The following SGCD variants were observed in gnomAD, a reference collection of about 807,000 sequenced individuals.
The protein encoded by SGCD is sarcoglycan delta.
A neutral mutation model predicts 36.6 loss-of-function variants in SGCD; 18 were observed. That is an observed-to-expected ratio of 0.49 (90% confidence interval 0.34 to 0.73). The LOEUF (loss-of-function observed/expected upper bound fraction) is 0.73. Ranked by LOEUF, SGCD falls within the 30% of genes least tolerant of loss-of-function variation. The pLI is 0.01. For missense variants in SGCD, 387 were observed against 346.7 expected, an observed-to-expected ratio of 1.12 and a Z score of -0.92; for synonymous variants, 133 against 130.6, an observed-to-expected ratio of 1.02 and a Z score of -0.12.
chr5:156,498,935 C>CGTGTGTGTGT (rs71577198), intron 3 of SGCD, among the ~76,000 whole-genome samples: 1 of 149,350 alleles, frequency 6.7e-6, no homozygotes, highest in South Asian at 2.1e-4. Context: ...ATGTGTGCTA[C>CGTGTGTGTGT]GTGTGTGTGT....
chr5:156,039,620 T>A (rs78866105), intron 1 of SGCD, among the ~76,000 whole-genome samples: 16,533 of 152,180 alleles, frequency 0.11, 2,560 homozygotes, highest in African/African-American at 0.34. Flanking sequence ...AACTGAGCAG[T>A]TAAGGAAAAG....
At chr5:156,436,375 CACAA>C (rs1753247193) in intron 3 of SGCD, among the ~76,000 whole-genome samples, 1 of 152,174 alleles carries the variant, frequency 6.6e-6, no homozygotes, top group Admixed American at 6.5e-5. Flanking sequence ...TGAATGATTG[CACAA>C]ACAAATGGGT....
chr5:155,948,181 G>C (rs1757478299), intron 1 of SGCD, among the ~76,000 whole-genome samples: 1 of 152,150 alleles, frequency 6.6e-6, no homozygotes, highest in South Asian at 2.1e-4. Flanking sequence ...GAAGGCTGAG[G>C]CAGGAGCATT....
chr5:156,636,973 T>C (rs1462980386), intron 6 of SGCD, among the ~76,000 whole-genome samples: 1 of 152,060 alleles, frequency 6.6e-6, no homozygotes, highest in Non-Finnish European at 1.5e-5. Flanking sequence ...TTTTCTCCCA[T>C]AAAAGTAAGG....
At chr5:156,235,763 G>A (rs1321277625) in intron 3 of SGCD, among the ~76,000 whole-genome samples, 1 of 152,142 alleles carries the variant, frequency 6.6e-6, no homozygotes, top group Admixed American at 6.5e-5. Flanking sequence ...CAATTAACAA[G>A]GTTATAATTA....
At chr5:155,982,618 T>C (rs895991004) in intron 1 of SGCD, among the ~76,000 whole-genome samples, 4 of 152,134 alleles carry the variant, frequency 2.6e-5, no homozygotes, top group East Asian at 3.9e-4. Flanking sequence ...TCTGTCATTT[T>C]ATGTGTAATT....
chr5:155,842,298 G>A, the SGCD span, among the ~76,000 whole-genome samples: 1 of 149,706 alleles, frequency 6.7e-6, no homozygotes, highest in Non-Finnish European at 1.5e-5. Context: ...TGACTGGCTG[G>A]GCACAGTGGC....
At chr5:155,884,898 G>C (rs1173728309) in intron 1 of SGCD, among the ~76,000 whole-genome samples, 1 of 108,764 alleles carries the variant, frequency 9.2e-6, no homozygotes, top group East Asian at 2.3e-4. Flanking sequence ...GTAGGCTAAT[G>C]ATGAAGACGA....
intron 1 of SGCD, among the ~76,000 whole-genome samples, chr5:156,072,984 G>A (rs1561706964): frequency 1.3e-5 from 2 of 152,062 alleles, no homozygotes; most frequent in African/African-American, 4.8e-5. Flanking sequence ...AGCTCCATCA[G>A]CTCCTTTAAG....
chr5:156,325,234 C>G (rs75952044), upstream of SGCD, among the ~76,000 whole-genome samples: 1,004 of 151,962 alleles, frequency 6.6e-3, 10 homozygotes, highest in African/African-American at 0.018. Flanking sequence ...TTTAAGGTGA[C>G]AGGCCCCTAT....
At chr5:156,750,201 A>T (rs1171367318) in intron 7 of SGCD, among the ~76,000 whole-genome samples, 1 of 152,152 alleles carries the variant, frequency 6.6e-6, no homozygotes, top group East Asian at 1.9e-4. Context: ...ATAGAAGAGA[A>T]CTATCTTATT....
At chr5:156,305,205 A>G (rs1261704774) in intron 3 of SGCD, among the ~76,000 whole-genome samples, 1 of 152,196 alleles carries the variant, frequency 6.6e-6, no homozygotes, top group African/African-American at 2.4e-5. Flanking sequence ...AGAGGTCTTC[A>G]AGGCATTCCC....
In SGCD at chr5:156,582,513, C is replaced by T. The variant is rs542239893; in HGVS notation, c.295-6718C>T. Among the ~76,000 whole-genome samples the T allele has an allele frequency of 3.9e-5, 6 of 152,298 alleles. No homozygotes were observed. In the East Asian group the frequency reaches 1.2e-3, roughly 29 times the overall value. The stretch of plus-strand genomic sequence containing the variant: ...CATCTGCACTCCCACAGAGCTGAAT[C>T]CAGGTTACACTCCGTTGCTTTGGGC... On this transcript the variant is annotated intron_variant, in intron 4 of 8. Transcript: ENST00000337851.
At chr5:155,849,392 G>T in the SGCD span, among the ~76,000 whole-genome samples, 2 of 151,750 alleles carry the variant, frequency 1.3e-5, no homozygotes, top group Non-Finnish European at 2.9e-5. Flanking sequence ...GCCTTAATGT[G>T]ATACAGGCAC....
intron 1 of SGCD, among the ~76,000 whole-genome samples, chr5:155,923,814 GAACA>G (rs1756937921): frequency 6.6e-6 from 1 of 152,156 alleles, no homozygotes; most frequent in South Asian, 2.1e-4. Flanking sequence ...TTTAACTAGT[GAACA>G]AACAATTATT....
chr5:156,271,376 T>A (rs985854237), intron 3 of SGCD, among the ~76,000 whole-genome samples: 6 of 152,102 alleles, frequency 3.9e-5, no homozygotes, highest in Middle Eastern at 3.2e-3. Flanking sequence ...GTTCGTCTGG[T>A]CTTATCTGAT....
intron 1 of SGCD, among the ~76,000 whole-genome samples, chr5:155,981,288 A>T (rs541651090): frequency 6.6e-6 from 1 of 152,168 alleles, no homozygotes; most frequent in African/African-American, 2.4e-5. Flanking sequence ...ACTTGGGGCC[A>T]TGGAATTAGG....
At chr5:156,120,436 C>T (rs761945862) in intron 2 of SGCD, among the ~76,000 whole-genome samples, 12 of 152,164 alleles carry the variant, frequency 7.9e-5, no homozygotes, top group African/African-American at 1.4e-4. Flanking sequence ...ATCTGGGCAA[C>T]GTTAGGAAAT....
intron 3 of SGCD, among the ~76,000 whole-genome samples, chr5:156,459,588 T>C (rs770040250): frequency 2.0e-4 from 30 of 152,204 alleles, no homozygotes; most frequent in Non-Finnish European, 4.0e-4. Flanking sequence ...TCTTCTCTCA[T>C]GTTTTAAAGA....
Sources: allele counts gnomAD v4.1 joint callset (sites outside exome capture counted in the v4.1 genomes callset), GRCh38; gene constraint gnomAD v4.1.1; transcripts MANE v1.5; gene names NCBI Gene and HGNC (gene_info 2026-07-23, HGNC 2026-07-21).